ANO1: variants seen among roughly 807,000 people sequenced by gnomAD.
ANO1 encodes the protein anoctamin 1.
ANO1 carries 59 observed loss-of-function variants against 124.0 expected under a neutral mutation model. That is an observed-to-expected ratio of 0.48 (90% CI 0.39 to 0.59). ANO1 has a LOEUF of 0.59. ANO1 is among the 20% of genes least tolerant of loss of function. ANO1 has a pLI of 0.00. For synonymous variants in ANO1, 529 were observed against 532.0 expected (o/e 0.99, Z 0.08); for missense variants, 1,059 against 1,328.0 (o/e 0.80, Z 3.15).
chr11:70,143,687 T>A (rs1477223733), intron 11 of ANO1, among the ~76,000 whole-genome samples: 1 of 152,056 alleles, frequency 6.6e-6, no homozygotes, highest in Non-Finnish European at 1.5e-5. Context: ...CCGGATGAAA[T>A]GGACAGATTG....
At chr11:70,059,056 G>T (rs1555007317) in intron 1 of ANO1, among the ~76,000 whole-genome samples, 1 of 151,942 alleles carries the variant, frequency 6.6e-6, no homozygotes, top group East Asian at 1.9e-4. Context: ...GCTGGGCGTG[G>T]TGGCGGGCGC....
chr11:70,001,059 C>A (rs1477847729), intron 1 of ANO1, among the ~76,000 whole-genome samples: 1 of 152,160 alleles, frequency 6.6e-6, no homozygotes, highest in Non-Finnish European at 1.5e-5. Flanking sequence ...GCAAAGCCAC[C>A]CCAATCCCTG....
At chr11:70,059,596 G>A (rs1305644989) in intron 1 of ANO1, among the ~76,000 whole-genome samples, 2 of 152,152 alleles carry the variant, frequency 1.3e-5, no homozygotes, top group African/African-American at 4.8e-5. Flanking sequence ...CCACAAGCCT[G>A]ATGCGTAGGA....
intron 1 of ANO1, among the ~76,000 whole-genome samples, chr11:70,043,230 C>T (rs150831749): frequency 7.2e-4 from 109 of 151,942 alleles, no homozygotes; most frequent in Non-Finnish European, 1.2e-3. Context: ...AGATAGGGTA[C>T]GGCAGAAGAA....
At chr11:70,071,426 A>C (rs1025947732) in intron 1 of ANO1, among the ~76,000 whole-genome samples, 1 of 152,160 alleles carries the variant, frequency 6.6e-6, no homozygotes, top group Non-Finnish European at 1.5e-5. Flanking sequence ...AAGCCATCCA[A>C]TATAATTTTC....
upstream of ANO1, chr11:70,075,065 G>T (rs533601478): frequency 2.6e-5 from 4 of 152,364 alleles, no homozygotes; most frequent in African/African-American, 9.6e-5. Flanking sequence ...CGAGGTTCTT[G>T]TTCCGGTCCA....
rs981397648 is a variant in ANO1 at position 70,005,897 on chromosome 11, T to C, written c.58+19731T>C. Reference sequence around the variant, plus strand: ...ACGTGAAGACTCTTCCTCTTTTAACTGACAGCAATAGAACAGTTGTGGACC... The same window carrying C: ...ACGTGAAGACTCTTCCTCTTTTAACCGACAGCAATAGAACAGTTGTGGACC... On this transcript the variant is annotated intron_variant, in intron 1 of 27. Coordinates refer to the ANO1 transcript ENST00000531349. Among the ~76,000 whole-genome samples the C allele has an allele frequency of 1.9e-4, 29 of 152,348 alleles. No homozygotes were observed. In the East Asian group the frequency reaches 5.2e-3, roughly 27 times the overall value.
At chr11:70,175,046 G>A (rs376470770) in intron 22 of ANO1, among the ~76,000 whole-genome samples, 57 of 152,132 alleles carry the variant, frequency 3.7e-4, no homozygotes, top group African/African-American at 1.3e-3. Flanking sequence ...GTGCGCGTGT[G>A]TTTGCTCTGG....
chr11:70,055,962 AT>A (rs1555006784), intron 1 of ANO1, among the ~76,000 whole-genome samples: 256 of 152,144 alleles, frequency 1.7e-3, no homozygotes, highest in African/African-American at 6.0e-3. Flanking sequence ...TTTTAACTTC[AT>A]TTACCTTCCC....
chr11:70,019,857 C>T (rs577596034), intron 1 of ANO1, among the ~76,000 whole-genome samples: 5 of 152,348 alleles, frequency 3.3e-5, no homozygotes, highest in East Asian at 1.9e-4. Context: ...TCCAGTCCCA[C>T]GCACGTCTTC....
At chr11:70,185,314 G>A (rs996504072) in intron 24 of ANO1, among the ~76,000 whole-genome samples, 10 of 152,192 alleles carry the variant, frequency 6.6e-5, no homozygotes, top group African/African-American at 1.4e-4. Flanking sequence ...GTGAGCCCAC[G>A]GCTGGGCCTG....
upstream of ANO1, among the ~76,000 whole-genome samples, chr11:69,985,112 C>T (rs1591015728): frequency 6.6e-6 from 1 of 152,320 alleles, no homozygotes; most frequent in East Asian, 1.9e-4. Context: ...GAGGGGCAAT[C>T]CCGGCTTCCT....
chr11:70,174,431 G>C (rs1027126246), intron 22 of ANO1, among the ~76,000 whole-genome samples: 1 of 152,136 alleles, frequency 6.6e-6, no homozygotes, highest in Non-Finnish European at 1.5e-5. Context: ...TAGCTTTTAG[G>C]GACAAGTGAG....
At chr11:70,010,179 G>GTATGTGTGTGTGTATATATATATA (rs1188271051) in intron 1 of ANO1, among the ~76,000 whole-genome samples, 25 of 83,810 alleles carry the variant, frequency 3.0e-4, no homozygotes, top group East Asian at 1.2e-3. Flanking sequence ...GTGTGTGTGT[G>GTATGTGTGTGTGTATATATATATA]TATATATATA....
intron 1 of ANO1, among the ~76,000 whole-genome samples, chr11:70,025,501 C>T (rs543136661): frequency 1.4e-5 from 2 of 139,590 alleles, no homozygotes; most frequent in South Asian, 2.4e-4. Flanking sequence ...ACAATGATGG[C>T]GATGATGGTG....
intron 3 of ANO1, 33 bp downstream of exon 3, chr11:70,103,197 C>A: frequency 6.4e-7 from 1 of 1,564,576 alleles, no homozygotes; most frequent in Non-Finnish European, 8.7e-7. Context: ...CGAAATGAAT[C>A]GCCAAGTCTA....
At chr11:70,027,557 C>A (rs1856929121) in intron 1 of ANO1, among the ~76,000 whole-genome samples, 1 of 152,246 alleles carries the variant, frequency 6.6e-6, no homozygotes, top group African/African-American at 2.4e-5. Context: ...ACTGCAAACA[C>A]TTAAGCCACA....
intron 11 of ANO1, among the ~76,000 whole-genome samples, chr11:70,133,619 A>G (rs937288788): frequency 6.6e-6 from 1 of 152,130 alleles, no homozygotes; most frequent in Non-Finnish European, 1.5e-5. Context: ...GTCCCTACAC[A>G]GCTCGGCAGC....
At chr11:70,169,072 T>C (rs1307232283) in intron 21 of ANO1, among the ~76,000 whole-genome samples, 1 of 152,168 alleles carries the variant, frequency 6.6e-6, no homozygotes. Flanking sequence ...GGGAGGTGGC[T>C]TCCCCTGCCT....
Sources: gnomAD v4.1 joint callset for allele counts (sites outside exome capture counted in the v4.1 genomes callset) on GRCh38, gnomAD v4.1.1 for gene constraint, MANE v1.5 for transcripts, NCBI Gene and HGNC (gene_info 2026-07-23, HGNC 2026-07-21) for gene names.